BCHE: variants seen among roughly 807,000 people sequenced by gnomAD.
The protein encoded by BCHE is butyrylcholinesterase.
A neutral mutation model predicts 51.3 loss-of-function variants in BCHE; 48 were observed. That is an observed-to-expected ratio of 0.94 (90% CI 0.74 to 1.19). BCHE has a LOEUF of 1.19. Among genes scored for constraint, BCHE ranks in the 50% most tolerant of loss-of-function variants. BCHE has a pLI of 0.00. For synonymous variants in BCHE, 251 were observed against 238.0 expected (o/e 1.05, Z -0.50); for missense variants, 847 against 708.2 (o/e 1.20, Z -2.23).
rs1295814298 is a variant in BCHE, at chr3:165,829,774, AAC to A, written c.1258_1259del (p.Val420CysfsTer5). On this transcript the variant is annotated frameshift_variant, in exon 2 of 4. Transcript: ENST00000264381. LOFTEE classifies it high-confidence loss of function. The stretch of plus-strand genomic sequence containing the variant: ...GGCATATGAAATTATAATCCCCAAC[AAC>A]ATCACCCAAGGCCTCACGGTAGTTT... ...PENYREALGD[V>X]VGDYNFICPA... is the part of the protein sequence containing the mutation. The A allele has an allele frequency of 6.2e-7, 1 of 1,613,852 alleles. No individual in the cohort carries two copies. The highest frequency in any genetic ancestry group is 1.1e-5 in the South Asian group (1 of 91,070).
At chr3:165,836,571 G>T (rs1274211140) in intron 1 of BCHE, among the ~76,000 whole-genome samples, 1 of 151,890 alleles carries the variant, frequency 6.6e-6, no homozygotes, top group Admixed American at 6.6e-5. Flanking sequence ...GGTTAAAGTG[G>T]AACTGATGTT....
At chr3:165,835,908 G>A (rs1308965557) in intron 1 of BCHE, among the ~76,000 whole-genome samples, 4 of 151,704 alleles carry the variant, frequency 2.6e-5, no homozygotes, top group Admixed American at 2.0e-4. Flanking sequence ...ATCTGGGACC[G>A]TCTAATTTTG....
In BCHE at chr3:165,794,185, G is replaced by T. The variant is rs374835465; in HGVS notation, c.1518-7874C>A. ...AGCAATTTAATATTAATCCGTGAAT[G>T]CATTACTAGTAATTTAATCACACTG... On this transcript the variant is annotated intron_variant, in intron 2 of 3. Coordinates refer to ENST00000264381, the MANE Select transcript of BCHE (RefSeq NM_000055.4). Among the ~76,000 whole-genome samples, 16 of 152,122 alleles carry T rather than the reference G, an allele frequency of 1.1e-4. No individual in the cohort carries two copies. In the South Asian group the frequency reaches 3.1e-3, roughly 30 times the overall value.
At chr3:165,786,594 A>G (rs889842236) in intron 2 of BCHE, among the ~76,000 whole-genome samples, 5 of 151,776 alleles carry the variant, frequency 3.3e-5, no homozygotes, top group Non-Finnish European at 7.4e-5. Context: ...TCAATAAAAT[A>G]TATCTTCATT....
chr3:165,784,390 T>C (rs1712858014), intron 3 of BCHE, among the ~76,000 whole-genome samples: 1 of 151,956 alleles, frequency 6.6e-6, no homozygotes, highest in Admixed American at 6.6e-5. Context: ...TACTTCAAAA[T>C]TATAAAATAT....
At chr3:165,799,321 A>G (rs1474076793) in intron 2 of BCHE, among the ~76,000 whole-genome samples, 2 of 152,020 alleles carry the variant, frequency 1.3e-5, no homozygotes, top group Non-Finnish European at 2.9e-5. Flanking sequence ...CCTTTTATGA[A>G]CCTACACTCC....
At chr3:165,786,927 C>G (rs929136966) in intron 2 of BCHE, among the ~76,000 whole-genome samples, 2 of 151,716 alleles carry the variant, frequency 1.3e-5, no homozygotes. Flanking sequence ...CATGGTACCA[C>G]CCACATTTCC....
At chr3:165,835,449 AC>A (rs1165451867) in intron 1 of BCHE, among the ~76,000 whole-genome samples, 7 of 151,884 alleles carry the variant, frequency 4.6e-5, no homozygotes, top group Admixed American at 2.0e-4. Flanking sequence ...TTAAAAAGTT[AC>A]AATTAAATAA....
intron 2 of BCHE, among the ~76,000 whole-genome samples, chr3:165,819,339 A>G (rs1184500012): frequency 1.3e-5 from 2 of 151,920 alleles, no homozygotes; most frequent in Non-Finnish European, 2.9e-5. Context: ...CGGCCTCCCA[A>G]AGTGCTGGGA....
chr3:165,816,121 T>C (rs16849693), intron 2 of BCHE, among the ~76,000 whole-genome samples: 3,393 of 151,990 alleles, frequency 0.022, 78 homozygotes, highest in African/African-American at 0.054. Context: ...AAGAAACATT[T>C]GTCATACTTT....
At chr3:165,806,539 C>T (rs556325709) in intron 2 of BCHE, among the ~76,000 whole-genome samples, 15 of 152,252 alleles carry the variant, frequency 9.9e-5, no homozygotes, top group African/African-American at 3.6e-4. Context: ...TCCATAGCAC[C>T]TAGCCCAGTG....
At chr3:165,780,048 T>C (rs1002555446) in intron 3 of BCHE, among the ~76,000 whole-genome samples, 13 of 152,286 alleles carry the variant, frequency 8.5e-5, no homozygotes, top group East Asian at 1.9e-4. Context: ...AGCATGGTAT[T>C]ACTACCAAAA....
At chr3:165,819,076 T>TC (rs1290083493) in intron 2 of BCHE, among the ~76,000 whole-genome samples, 2 of 149,648 alleles carry the variant, frequency 1.3e-5, no homozygotes, top group Non-Finnish European at 3.0e-5. Flanking sequence ...TTTAACTTCT[T>TC]TTTTTTTTTT....
intron 2 of BCHE, among the ~76,000 whole-genome samples, chr3:165,803,902 G>A (rs1713768009): frequency 2.0e-5 from 3 of 152,150 alleles, no homozygotes; most frequent in Non-Finnish European, 4.4e-5. Context: ...TCAGTATGTA[G>A]ATGTTAGTTA....
intron 3 of BCHE, among the ~76,000 whole-genome samples, chr3:165,781,630 A>G (rs1038372542): frequency 6.6e-6 from 1 of 152,136 alleles, no homozygotes; most frequent in Admixed American, 6.6e-5. Context: ...TAGGACATAT[A>G]GCTAGTGCAT....
intron 2 of BCHE, among the ~76,000 whole-genome samples, chr3:165,793,572 C>T (rs564013499): frequency 3.9e-5 from 6 of 152,160 alleles, no homozygotes; most frequent in African/African-American, 1.4e-4. Context: ...TGTGTGGTTA[C>T]CTCTTCGTCC....
intron 2 of BCHE, among the ~76,000 whole-genome samples, chr3:165,795,513 GA>G (rs1713342423): frequency 6.6e-6 from 1 of 152,098 alleles, no homozygotes; most frequent in Non-Finnish European, 1.5e-5. Context: ...TTGCAATTTA[GA>G]TTATATTTAA....
At chr3:165,773,848 C>T (rs968322073) in intron 3 of BCHE, among the ~76,000 whole-genome samples, 3 of 151,806 alleles carry the variant, frequency 2.0e-5, no homozygotes, top group Admixed American at 2.0e-4. Flanking sequence ...TTTCTTGACC[C>T]ACTTTAAAAT....
Position 165,781,941 on chromosome 3 carries a change from T to C in BCHE, c.1684+4204A>G, listed in dbSNP as rs1560002683. On this transcript the variant is annotated intron_variant, in intron 3 of 3. Coordinates refer to ENST00000264381, the MANE Select transcript of BCHE (RefSeq NM_000055.4). ...ACACAGAAAATGTGAATTTGTATGA[T>C]ACAATATGCATAAGTAAATGTAACA... 3.3e-5 allele frequency among the ~76,000 whole-genome samples: 5 copies of C among 152,154 alleles called. 1 individual carries two copies. In the South Asian group the frequency reaches 8.3e-4, roughly 25 times the overall value.
Sources: gnomAD v4.1 joint callset for allele counts (sites outside exome capture counted in the v4.1 genomes callset) on GRCh38, gnomAD v4.1.1 for gene constraint, MANE v1.5 for transcripts, NCBI Gene and HGNC (gene_info 2026-07-23, HGNC 2026-07-21) for gene names.